RASSF8: variants seen among roughly 807,000 people sequenced by gnomAD.
RASSF8 encodes the protein Ras association domain family member 8, also known as ras association domain-containing protein 8.
In RASSF8, 22 loss-of-function variants were observed where a neutral mutation model predicts 48.5. That is an observed-to-expected ratio of 0.45 (90% CI 0.32 to 0.65). The LOEUF is 0.65. Among genes scored for constraint, RASSF8 ranks in the 30% least tolerant of loss-of-function variants. The pLI, the probability that RASSF8 is intolerant of heterozygous loss-of-function variation, is 0.03. For synonymous variants in RASSF8, 127 were observed against 171.5 expected, an observed-to-expected ratio of 0.74 and a Z score of 2.03; for missense variants, 418 against 489.2, an observed-to-expected ratio of 0.85 and a Z score of 1.37.
At chr12:26,009,963 A>G (rs1388911740) in intron 2 of RASSF8, among the ~76,000 whole-genome samples, 2 of 152,240 alleles carry the variant, frequency 1.3e-5, no homozygotes, top group Admixed American at 1.3e-4. Context: ...GATGGGTAAA[A>G]TAGCCATTTA....
At chr12:25,974,237 A>G (rs914930111) in intron 1 of RASSF8, among the ~76,000 whole-genome samples, 3 of 152,152 alleles carry the variant, frequency 2.0e-5, no homozygotes, top group Non-Finnish European at 4.4e-5. Flanking sequence ...TTTCCTGATC[A>G]TACAAGCGGA....
At chr12:25,982,475 C>T (rs1439760554) in intron 1 of RASSF8, among the ~76,000 whole-genome samples, 1 of 152,088 alleles carries the variant, frequency 6.6e-6, no homozygotes, top group Non-Finnish European at 1.5e-5. Flanking sequence ...TGAATTACTC[C>T]TCTAGTAAAA....
At chr12:25,989,088 A>G (rs568461514) in intron 1 of RASSF8, among the ~76,000 whole-genome samples, 9 of 152,292 alleles carry the variant, frequency 5.9e-5, no homozygotes, top group East Asian at 1.9e-4. Flanking sequence ...CAGATTTACA[A>G]TGTCTCCTTT....
At chr12:26,005,164 GGTGTGTGT>G (rs34419551) in intron 2 of RASSF8, among the ~76,000 whole-genome samples, 2 of 149,990 alleles carry the variant, frequency 1.3e-5, no homozygotes, top group East Asian at 2.0e-4. Flanking sequence ...TTACGGATGG[GGTGTGTGT>G]GTGTGTGTGT....
intron 1 of RASSF8, among the ~76,000 whole-genome samples, chr12:25,980,511 C>T (rs954655913): frequency 4.6e-5 from 7 of 152,000 alleles, no homozygotes; most frequent in Admixed American, 1.3e-4. Context: ...TGATTTTTTT[C>T]GGGGATTGAG....
intron 2 of RASSF8, among the ~76,000 whole-genome samples, chr12:26,001,583 TAAA>T (rs1356316205): frequency 6.6e-5 from 10 of 152,176 alleles, no homozygotes; most frequent in African/African-American, 2.2e-4. Flanking sequence ...ACTTTTTTGT[TAAA>T]AACTAAGACA....
intron 1 of RASSF8, among the ~76,000 whole-genome samples, chr12:25,965,036 G>A (rs1362734169): frequency 6.6e-6 from 1 of 151,888 alleles, no homozygotes; most frequent in Non-Finnish European, 1.5e-5. Flanking sequence ...TCCGCCTCCC[G>A]GGTTCATGCC....
intron 1 of RASSF8, among the ~76,000 whole-genome samples, chr12:25,974,972 C>T (rs933003686): frequency 1.4e-4 from 21 of 152,238 alleles, no homozygotes; most frequent in African/African-American, 4.6e-4. Flanking sequence ...CTTTGAGACA[C>T]TTTGTTAAAA....
At position 26,046,943 on chromosome 12, in the gene RASSF8, C is replaced by A. The variant is rs183858392; in HGVS notation, c.-108-8293C>A. On this transcript the variant is annotated intron_variant, in intron 2 of 5. Transcript: ENST00000689635. ...TTTTCTCATGATTTGTGAAAGAAAG[C>A]CATGAAATAGCACATGTAGTAGAAA... is the stretch of plus-strand genomic sequence containing the variant. 1.3e-4 allele frequency among the ~76,000 whole-genome samples: 20 copies of A among 152,252 alleles called. No homozygotes were observed. In the South Asian group the frequency reaches 2.1e-3, roughly 16 times the overall value.
chr12:26,034,534 T>C (rs1229922768), intron 2 of RASSF8, among the ~76,000 whole-genome samples: 1 of 152,198 alleles, frequency 6.6e-6, no homozygotes, highest in African/African-American at 2.4e-5. Flanking sequence ...CTAGGATTTC[T>C]ATCATTCCTA....
Position 26,001,342 on chromosome 12 carries a change from T to A in RASSF8, c.-109+6212T>A, listed in dbSNP as rs536443751. 2.6e-3 allele frequency among the ~76,000 whole-genome samples: 401 copies of A among 152,034 alleles called. 3 individuals carry two copies. The highest frequency in any genetic ancestry group is 9.1e-3 in the African/African-American group (377 of 41,510). On this transcript the variant is annotated intron_variant, in intron 2 of 5. Transcript: ENST00000689635. Reference sequence around the variant, plus strand: ...ATTTTTAAGTTTTAAAAATTAAAAATTTTTATCCACTGTGTTTTGCCTATT... The same window carrying A: ...ATTTTTAAGTTTTAAAAATTAAAAAATTTTATCCACTGTGTTTTGCCTATT...
At chr12:26,067,424 C>T in intron 4 of RASSF8, 145 bp from the exon 5 acceptor site, 1 of 877,606 alleles carries the variant, frequency 1.1e-6, no homozygotes. Flanking sequence ...CCCATTGTGT[C>T]AATATAAACC....
intron 1 of RASSF8, among the ~76,000 whole-genome samples, chr12:25,982,523 A>T (rs1224383387): frequency 6.6e-6 from 1 of 152,224 alleles, no homozygotes; most frequent in African/African-American, 2.4e-5. Context: ...ATTATGTAAG[A>T]TGTATCCCTA....
At chr12:25,968,466 C>T (rs1941409769) in intron 1 of RASSF8, among the ~76,000 whole-genome samples, 1 of 152,202 alleles carries the variant, frequency 6.6e-6, no homozygotes, top group South Asian at 2.1e-4. Context: ...CCTCAGCCTC[C>T]CGAGTAGCTG....
At chr12:25,992,615 C>T (rs150760378) in intron 1 of RASSF8, among the ~76,000 whole-genome samples, 1 of 152,186 alleles carries the variant, frequency 6.6e-6, no homozygotes, top group Non-Finnish European at 1.5e-5. Context: ...AGGCCCGCAC[C>T]TGGGATGCCA....
chr12:26,017,312 G>A (rs889292935), intron 2 of RASSF8, among the ~76,000 whole-genome samples: 3 of 151,996 alleles, frequency 2.0e-5, no homozygotes, highest in Non-Finnish European at 2.9e-5. Flanking sequence ...ATTTGAATAG[G>A]GAAAGTTTAA....
At chr12:25,966,523 T>C (rs1941364083) in intron 1 of RASSF8, among the ~76,000 whole-genome samples, 1 of 152,234 alleles carries the variant, frequency 6.6e-6, no homozygotes, top group Non-Finnish European at 1.5e-5. Context: ...GTGGTTTTAA[T>C]TTGCATTTCC....
intron 1 of RASSF8, 158 bp from the exon 2 acceptor site, chr12:25,994,879 G>C (rs999450574): frequency 1.3e-5 from 2 of 152,252 alleles, no homozygotes; most frequent in Non-Finnish European, 2.9e-5. Context: ...ATGGCTAAGG[G>C]GGAAGAGTGG....
At chr12:25,966,876 T>G (rs1487080442) in intron 1 of RASSF8, among the ~76,000 whole-genome samples, 2 of 152,232 alleles carry the variant, frequency 1.3e-5, no homozygotes, top group Non-Finnish European at 2.9e-5. Context: ...CATAAAGATT[T>G]TCTCCTATGT....
Sources: gnomAD v4.1 joint callset for allele counts (sites outside exome capture counted in the v4.1 genomes callset) on GRCh38, gnomAD v4.1.1 for gene constraint, MANE v1.5 for transcripts, NCBI Gene and HGNC (gene_info 2026-07-23, HGNC 2026-07-21) for gene names.